IL12RB2: variants seen among roughly 807,000 people sequenced by gnomAD.
The protein encoded by IL12RB2 is interleukin 12 receptor subunit beta 2, also known as interleukin-12 receptor subunit beta-2.
In IL12RB2, 82 loss-of-function variants were observed where a neutral mutation model predicts 89.4. The observed-to-expected ratio is 0.92, with a 90% CI of 0.77 to 1.10. The LOEUF (loss-of-function observed/expected upper bound fraction) is 1.10, where lower values mean the gene tolerates loss of function less well. IL12RB2 is among the 50% of genes least tolerant of loss of function. The pLI is 0.00. For synonymous variants in IL12RB2, 368 were observed against 370.1 expected, an observed-to-expected ratio of 0.99 and a Z score of 0.07; for missense variants, 963 against 1,031.9, an observed-to-expected ratio of 0.93 and a Z score of 0.92.
In IL12RB2 at chr1:67,386,579, G is replaced by A; in HGVS notation, c.1856G>A (p.Gly619Asp). 1 of 1,610,458 alleles carries A rather than the reference G, an allele frequency of 6.2e-7. No individual in the cohort carries two copies. Among genetic ancestry groups the A allele is most frequent in the Non-Finnish European group, 8.5e-7 (1 of 1,176,792 alleles). Residue 619 changes from glycine (G) to aspartate (D), a missense_variant and splice_region_variant, in exon 15 of 17, where the codon GGT becomes GAT. Physicochemically the swap from Gly to Asp is moderately conservative, Grantham distance 94 (BLOSUM62 -1). Transcript: ENST00000674203. ...HGNEREFCLQ[G>D]KANWMAFVAP... ...GTCACAGGATTTCCTAACTTTTCAGGTAAAGCCAATTGGATGGCGTTTGTG... is the reference window on the plus strand; with the variant it reads ...GTCACAGGATTTCCTAACTTTTCAGATAAAGCCAATTGGATGGCGTTTGTG...
chr1:67,329,193 A>C (rs1258830694), intron 6 of IL12RB2, among the ~76,000 whole-genome samples: 1 of 152,080 alleles, frequency 6.6e-6, no homozygotes, highest in Non-Finnish European at 1.5e-5. Flanking sequence ...CTTTGCTATG[A>C]ATTTTCCTAC....
At chr1:67,334,893 G>A (rs1658566277) in intron 8 of IL12RB2, among the ~76,000 whole-genome samples, 1 of 152,218 alleles carries the variant, frequency 6.6e-6, no homozygotes, top group Admixed American at 6.5e-5. Context: ...TGACCCCTAA[G>A]CTAGCTATAC....
intron 9 of IL12RB2, among the ~76,000 whole-genome samples, chr1:67,347,356 C>T (rs1239685006): frequency 7.6e-6 from 1 of 131,112 alleles, no homozygotes; most frequent in African/African-American, 3.5e-5. Flanking sequence ...TAGAGCATTA[C>T]TTTATGAGAA....
intron 8 of IL12RB2, among the ~76,000 whole-genome samples, chr1:67,334,794 T>C (rs1658553957): frequency 6.6e-6 from 1 of 152,248 alleles, no homozygotes; most frequent in South Asian, 2.1e-4. Context: ...CTTCTTTTGA[T>C]TTCTTTTCAA....
intron 1 of IL12RB2, among the ~76,000 whole-genome samples, chr1:67,308,746 A>C (rs17129735): frequency 1.3e-5 from 2 of 152,162 alleles, no homozygotes; most frequent in Non-Finnish European, 2.9e-5. Flanking sequence ...GGGTCCCGGC[A>C]CGGTGGCTCA....
In IL12RB2 at chr1:67,379,927, G is replaced by A. The variant is rs934801420; in HGVS notation, c.1718-59G>A. On this transcript the variant is annotated intron_variant, in intron 13 of 16. Coordinates refer to ENST00000674203, the MANE Select transcript of IL12RB2 (RefSeq NM_001374259.2). Reference sequence around the variant, plus strand: ...CATTAAAGAGTAAGAATGAGTAGAAGCCTACATTAAAAGCCATATCCTTTA... The same window carrying A: ...CATTAAAGAGTAAGAATGAGTAGAAACCTACATTAAAAGCCATATCCTTTA... The A allele has an allele frequency of 2.3e-5, 28 of 1,232,046 alleles. No individual in the cohort carries two copies. In the Middle Eastern group the frequency reaches 7.6e-4, roughly 33 times the overall value. 76.3% of individuals were successfully genotyped at this position (1,232,046 alleles called of 1,614,324 possible). A position where few individuals can be genotyped will look rare whatever the true frequency, so the allele number is the denominator to read the frequency against.
intron 16 of IL12RB2, among the ~76,000 whole-genome samples, chr1:67,395,294 A>G (rs577819836): frequency 1.3e-4 from 19 of 151,656 alleles, no homozygotes; most frequent in African/African-American, 4.6e-4. Flanking sequence ...AGAAAGAAAG[A>G]AACAGGTTGA....
intron 8 of IL12RB2, 122 bp from the exon 9 acceptor site, chr1:67,338,502 C>A: frequency 1.5e-6 from 1 of 681,356 alleles, no homozygotes; most frequent in Non-Finnish European, 2.7e-6. Context: ...AATACTGGGA[C>A]ACACACAAAT....
At position 67,396,532 on chromosome 1, in the gene IL12RB2, T is replaced by C. The variant is rs1465514464; in HGVS notation, c.*443T>C. Reference sequence around the variant, plus strand: ...TGTTCAACAGAACTTCCTGAGATGATGGAAATGTTCTACCTCTGCACTCAC... The same window carrying C: ...TGTTCAACAGAACTTCCTGAGATGACGGAAATGTTCTACCTCTGCACTCAC... On this transcript the variant is annotated 3_prime_UTR_variant, in exon 17 of 17. Transcript: ENST00000674203. 3 of 231,068 alleles carry C rather than the reference T, an allele frequency of 1.3e-5. No homozygotes were observed. The highest frequency in any genetic ancestry group is 7.2e-5 in the South Asian group (1 of 13,952). The allele number at this position is 231,068 out of a possible 1,614,324, so 14.3% of individuals were successfully genotyped here.
At chr1:67,369,738 T>G (rs1663080799) in intron 11 of IL12RB2, among the ~76,000 whole-genome samples, 1 of 152,234 alleles carries the variant, frequency 6.6e-6, no homozygotes, top group Non-Finnish European at 1.5e-5. Flanking sequence ...AATATTCATT[T>G]GAATAAAATC....
At chr1:67,348,585 T>C (rs920554676) in intron 9 of IL12RB2, among the ~76,000 whole-genome samples, 5 of 152,016 alleles carry the variant, frequency 3.3e-5, no homozygotes, top group Non-Finnish European at 7.4e-5. Flanking sequence ...TCCTTGATGA[T>C]ATTCCCTTCC....
chr1:67,350,455 T>A (rs1374944563), intron 9 of IL12RB2, among the ~76,000 whole-genome samples: 1 of 152,234 alleles, frequency 6.6e-6, no homozygotes, highest in Non-Finnish European at 1.5e-5. Flanking sequence ...TGTGTGTGTG[T>A]GATTTACAAA....
At position 67,350,896 on chromosome 1, in the gene IL12RB2, A is replaced by C. The variant is rs747974193; in HGVS notation, c.1065A>C (p.Gly355=). The C allele has an allele frequency of 1.9e-6, 3 of 1,614,064 alleles. No homozygotes were observed. In the South Asian group the frequency reaches 3.3e-5, roughly 18 times the overall value. ...ATCTGAGTGTCTCAGAGGCAAGAGGAAAAATTCTCCACTATCAGGTGACCT... is the reference window on the plus strand; with the variant it reads ...ATCTGAGTGTCTCAGAGGCAAGAGGCAAAATTCTCCACTATCAGGTGACCT... The part of the protein sequence containing the change: ...WKNLSVSEAR[G]KILHYQVTLQ... The change falls in exon 10 of 17, where the codon GGA becomes GGC. Residue 355 remains glycine (G), a synonymous_variant. Coordinates refer to ENST00000674203, the MANE Select transcript of IL12RB2 (RefSeq NM_001374259.2).
At chr1:67,318,926 A>C (rs1438382836) in intron 2 of IL12RB2, among the ~76,000 whole-genome samples, 1 of 152,196 alleles carries the variant, frequency 6.6e-6, no homozygotes, top group Non-Finnish European at 1.5e-5. Context: ...AAGGTCCTCC[A>C]AGAGTTAAAA....
chr1:67,374,756 G>T (rs1056987451), intron 13 of IL12RB2, among the ~76,000 whole-genome samples: 2 of 147,660 alleles, frequency 1.4e-5, no homozygotes, highest in South Asian at 2.2e-4. Context: ...GATTACAGGC[G>T]TGAGCCACCC....
rs1054785135 is a variant in IL12RB2, at chr1:67,384,880, C to A, written c.1856-1699C>A. On this transcript the variant is annotated intron_variant, in intron 14 of 16. Transcript: ENST00000674203. ...TCAACTTCATTGTCCACATCACTAC[C>A]AGCATTTTGGTCAAAGTCACTCGAC... 4.6e-5 allele frequency among the ~76,000 whole-genome samples: 7 copies of A among 152,202 alleles called. No individual in the cohort carries two copies. The East Asian group carries it at 1.3e-3, about 29-fold the overall frequency.
chr1:67,392,886 A>C (rs1248088294), intron 16 of IL12RB2, among the ~76,000 whole-genome samples: 2 of 152,074 alleles, frequency 1.3e-5, no homozygotes, highest in Admixed American at 6.5e-5. Context: ...AGCCTCCCAA[A>C]GTGTTGGGAG....
chr1:67,347,620 G>A (rs1209244258), intron 9 of IL12RB2, among the ~76,000 whole-genome samples: 1 of 152,148 alleles, frequency 6.6e-6, no homozygotes, highest in Admixed American at 6.5e-5. Context: ...AGTCAGAAAG[G>A]CTTTCCATAA....
intron 11 of IL12RB2, among the ~76,000 whole-genome samples, chr1:67,372,078 CTGTG>C (rs10674846): frequency 1.4e-5 from 2 of 143,972 alleles, no homozygotes; most frequent in Non-Finnish European, 3.0e-5. Context: ...GTGTGTGTGT[CTGTG>C]TGTGTGTGTG....
Sources: gnomAD v4.1 joint callset for allele counts (sites outside exome capture counted in the v4.1 genomes callset) on GRCh38, gnomAD v4.1.1 for gene constraint, MANE v1.5 for transcripts, NCBI Gene and HGNC (gene_info 2026-07-23, HGNC 2026-07-21) for gene names.